TMEM117: variants seen among roughly 807,000 people sequenced by gnomAD.
TMEM117 encodes the protein transmembrane protein 117.
TMEM117 carries 27 observed loss-of-function variants against 52.4 expected under a neutral mutation model. The observed-to-expected ratio is 0.51, with a 90% CI of 0.38 to 0.71. The LOEUF is 0.71. TMEM117 is among the 30% of genes least tolerant of loss of function. TMEM117 has a pLI of 0.00. For synonymous variants in TMEM117, 215 were observed against 206.3 expected (o/e 1.04, Z -0.36); for missense variants, 556 against 630.5 (o/e 0.88, Z 1.26).
At chr12:44,295,874 G>C (rs1247836364) in intron 5 of TMEM117, among the ~76,000 whole-genome samples, 2 of 152,032 alleles carry the variant, frequency 1.3e-5, no homozygotes, top group Non-Finnish European at 2.9e-5. Context: ...GTTTCCTTCT[G>C]TGGTGTCATG....
chr12:43,807,194 T>G, the TMEM117 span, among the ~76,000 whole-genome samples: 1 of 152,166 alleles, frequency 6.6e-6, no homozygotes, highest in Non-Finnish European at 1.5e-5. Context: ...TTTTAGGGCC[T>G]TGAAGTGACA....
chr12:44,164,174 T>G (rs1358519048), intron 4 of TMEM117, among the ~76,000 whole-genome samples: 3 of 152,148 alleles, frequency 2.0e-5, no homozygotes, highest in Non-Finnish European at 4.4e-5. Context: ...CAGAAAAACA[T>G]ACTTCTTTTT....
chr12:44,038,499 T>C (rs1946746500), intron 3 of TMEM117, among the ~76,000 whole-genome samples: 1 of 152,124 alleles, frequency 6.6e-6, no homozygotes, highest in African/African-American at 2.4e-5. Context: ...CCATACTCAA[T>C]TGCTCACACA....
chr12:44,029,000 G>A (rs1399329430), intron 3 of TMEM117, among the ~76,000 whole-genome samples: 1 of 152,184 alleles, frequency 6.6e-6, no homozygotes, highest in Non-Finnish European at 1.5e-5. Flanking sequence ...GATACTGAGA[G>A]ACCTCTCACC....
At chr12:44,025,963 C>T (rs1946527212) in intron 3 of TMEM117, among the ~76,000 whole-genome samples, 1 of 152,140 alleles carries the variant, frequency 6.6e-6, no homozygotes, top group Admixed American at 6.5e-5. Context: ...TGGGCCAGGT[C>T]ACCGTTCTTC....
chr12:44,115,567 A>T (rs575962271), intron 3 of TMEM117, among the ~76,000 whole-genome samples: 1 of 151,880 alleles, frequency 6.6e-6, no homozygotes, highest in Non-Finnish European at 1.5e-5. Flanking sequence ...AAGTCATATA[A>T]CTTGTTATTT....
chr12:44,335,140 C>T (rs1951324041), intron 6 of TMEM117, among the ~76,000 whole-genome samples: 1 of 151,906 alleles, frequency 6.6e-6, no homozygotes, highest in Non-Finnish European at 1.5e-5. Context: ...TTGAGAAGAG[C>T]AACAGAGTCC....
intron 3 of TMEM117, among the ~76,000 whole-genome samples, chr12:44,101,922 A>C (rs1430176314): frequency 6.6e-6 from 1 of 152,042 alleles, no homozygotes; most frequent in Non-Finnish European, 1.5e-5. Flanking sequence ...TGGTCAAAGG[A>C]AATAGGGCGT....
intron 5 of TMEM117, among the ~76,000 whole-genome samples, chr12:44,270,553 T>C (rs1435103698): frequency 6.6e-6 from 1 of 152,138 alleles, no homozygotes; most frequent in African/African-American, 2.4e-5. Flanking sequence ...GATCATATCA[T>C]CGGTAAAGAG....
At chr12:44,304,177 T>C (rs1344511060) in intron 6 of TMEM117, among the ~76,000 whole-genome samples, 2 of 152,162 alleles carry the variant, frequency 1.3e-5, no homozygotes, top group African/African-American at 4.8e-5. Context: ...GCACAGAATC[T>C]ATGTGCTTAG....
At chr12:44,356,177 G>T (rs1360647371) in intron 6 of TMEM117, among the ~76,000 whole-genome samples, 2 of 152,062 alleles carry the variant, frequency 1.3e-5, no homozygotes, top group African/African-American at 4.8e-5. Flanking sequence ...TTTTCCTCAG[G>T]AAGATGTCTT....
chr12:43,865,047 C>G (rs1943563974), intron 2 of TMEM117, among the ~76,000 whole-genome samples: 1 of 152,106 alleles, frequency 6.6e-6, no homozygotes, highest in South Asian at 2.1e-4. Flanking sequence ...ACTACGAACC[C>G]ACCAGAAGGA....
At chr12:44,389,879 T>G (rs1952148376), downstream of TMEM117, 1 of 152,084 alleles carries the variant, frequency 6.6e-6, no homozygotes, top group Non-Finnish European at 1.5e-5. Context: ...CAACTTGCTT[T>G]CAATTTTGTT....
chr12:43,814,267 G>A, the TMEM117 span, among the ~76,000 whole-genome samples: 264 of 152,214 alleles, frequency 1.7e-3, 1 homozygote, highest in Middle Eastern at 6.8e-3. Flanking sequence ...ATGGGAGATG[G>A]TCAAAGGGAG....
chr12:43,993,156 G>A (rs1945971227), intron 3 of TMEM117, among the ~76,000 whole-genome samples: 1 of 152,164 alleles, frequency 6.6e-6, no homozygotes, highest in Admixed American at 6.5e-5. Context: ...AGACATTCAA[G>A]TAAACCTCTA....
chr12:44,142,344 A>G (rs1438203980), intron 3 of TMEM117, among the ~76,000 whole-genome samples: 3 of 152,184 alleles, frequency 2.0e-5, no homozygotes, highest in African/African-American at 7.2e-5. Flanking sequence ...CCTCCAAGGT[A>G]GGTGAATGAA....
At chr12:43,938,631 G>A (rs904522852) in intron 2 of TMEM117, among the ~76,000 whole-genome samples, 6 of 152,158 alleles carry the variant, frequency 3.9e-5, no homozygotes, top group African/African-American at 1.2e-4. Context: ...TTTGCTTGAA[G>A]TCATTCTATG....
chr12:44,344,009 C>A (rs1440199288), intron 6 of TMEM117, among the ~76,000 whole-genome samples: 1 of 152,002 alleles, frequency 6.6e-6, no homozygotes, highest in South Asian at 2.1e-4. Context: ...CAGCTCATAG[C>A]GGTTGGTTGC....
At chr12:43,817,382 A>G in the TMEM117 span, among the ~76,000 whole-genome samples, 1 of 152,252 alleles carries the variant, frequency 6.6e-6, no homozygotes, top group East Asian at 1.9e-4. Context: ...TCCCTTGATT[A>G]TATGATTGAA....
Sources: gnomAD v4.1 joint callset for allele counts (sites outside exome capture counted in the v4.1 genomes callset) on GRCh38, gnomAD v4.1.1 for gene constraint, MANE v1.5 for transcripts, NCBI Gene and HGNC (gene_info 2026-07-23, HGNC 2026-07-21) for gene names.